KCNIP4: variants seen among roughly 807,000 people sequenced by gnomAD.
KCNIP4 encodes Kv channel-interacting protein 4.
KCNIP4 carries 12 observed loss-of-function variants against 34.0 expected under a neutral mutation model. That is an observed-to-expected ratio of 0.35 (90% confidence interval 0.23 to 0.57). The LOEUF is 0.57. Among genes scored for constraint, KCNIP4 ranks in the 20% least tolerant of loss-of-function variants. KCNIP4 has a pLI of 0.83. For synonymous variants in KCNIP4, 124 were observed against 102.2 expected, an observed-to-expected ratio of 1.21 and a Z score of -1.29; for missense variants, 238 against 311.7, an observed-to-expected ratio of 0.76 and a Z score of 1.78.
At chr4:21,247,743 T>TATATATATATATATATATAC (rs1406881983) in intron 1 of KCNIP4, among the ~76,000 whole-genome samples, 12 of 120,456 alleles carry the variant, frequency 1.0e-4, no homozygotes, top group Admixed American at 4.2e-4. Flanking sequence ...TGGATATATA[T>TATATATATATATATATATAC]ATATATATAT....
intron 1 of KCNIP4, among the ~76,000 whole-genome samples, chr4:21,775,356 A>T (rs1719104279): frequency 6.6e-6 from 1 of 152,012 alleles, no homozygotes; most frequent in Non-Finnish European, 1.5e-5. Context: ...GGGACCTCTG[A>T]CCTCGAGGGC....
rs1194506915 is a variant in KCNIP4, at chr4:21,397,751, G to T, written c.62-515042C>A. Among the ~76,000 whole-genome samples the T allele has an allele frequency of 3.3e-5, 5 of 152,264 alleles. No homozygotes were observed. In the East Asian group the frequency reaches 7.7e-4, roughly 24 times the overall value. ...TGGCAATAGACCATTGATCACTCTT[G>T]CTATGAAAGAATGGGGACTATAAGT... On this transcript the variant is annotated intron_variant, in intron 1 of 8. Transcript: ENST00000382152.
At chr4:21,455,834 T>TAACTAATTTTTTACAGAATGA (rs1728907885) in intron 1 of KCNIP4, among the ~76,000 whole-genome samples, 1 of 114,682 alleles carries the variant, frequency 8.7e-6, no homozygotes, top group African/African-American at 4.4e-5. Flanking sequence ...TATATATATA[T>TAACTAATTTTTTACAGAATGA]ATATATATAT....
In KCNIP4 at chr4:21,922,008, ATC is replaced by A. The variant is rs1426394167; in HGVS notation, c.61+26561_61+26562del. Among the ~76,000 whole-genome samples the A allele has an allele frequency of 2.0e-5, 3 of 152,120 alleles. No individual in the cohort carries two copies. In the East Asian group the frequency reaches 5.8e-4, roughly 29 times the overall value. ...CACCTACCTCACTGACTCATCTCACATCTCTCTGCCTCACTCCCTATGTGATA... is the reference window on the plus strand; with the variant it reads ...CACCTACCTCACTGACTCATCTCACATCTCTGCCTCACTCCCTATGTGATA... On this transcript the variant is annotated intron_variant, in intron 1 of 8. Transcript: ENST00000382152.
chr4:21,456,919 A>G (rs539308912), intron 1 of KCNIP4, among the ~76,000 whole-genome samples: 13 of 152,106 alleles, frequency 8.5e-5, no homozygotes, highest in Middle Eastern at 3.4e-3. Flanking sequence ...TTCGTATTTC[A>G]CCGCCGGGTC....
intron 1 of KCNIP4, among the ~76,000 whole-genome samples, chr4:21,903,805 A>G (rs1051083344): frequency 6.6e-6 from 1 of 152,138 alleles, no homozygotes; most frequent in African/African-American, 2.4e-5. Flanking sequence ...TATAAATCCC[A>G]TATCACCCTA....
At chr4:21,148,913 G>A (rs1752575531) in intron 1 of KCNIP4, among the ~76,000 whole-genome samples, 2 of 152,178 alleles carry the variant, frequency 1.3e-5, no homozygotes, top group Non-Finnish European at 2.9e-5. Flanking sequence ...TTTAGGTACA[G>A]TAAAAGAAAA....
At chr4:21,419,095 C>T (rs149827648) in intron 1 of KCNIP4, among the ~76,000 whole-genome samples, 2 of 152,168 alleles carry the variant, frequency 1.3e-5, no homozygotes, top group Admixed American at 6.6e-5. Flanking sequence ...GAATACGAAT[C>T]AAGGTTGATG....
chr4:20,777,019 C>T (rs1756432190), intron 3 of KCNIP4, among the ~76,000 whole-genome samples: 1 of 152,108 alleles, frequency 6.6e-6, no homozygotes, highest in African/African-American at 2.4e-5. Context: ...ACCTAATCTC[C>T]ATTATGATCA....
chr4:20,940,768 T>A (rs773382979), intron 1 of KCNIP4, among the ~76,000 whole-genome samples: 15 of 152,204 alleles, frequency 9.9e-5, no homozygotes, highest in Non-Finnish European at 2.1e-4. Context: ...ACTTCTTGTA[T>A]CAGTCTTTGA....
chr4:21,243,469 G>C (rs188546076), intron 1 of KCNIP4, among the ~76,000 whole-genome samples: 2 of 152,304 alleles, frequency 1.3e-5, no homozygotes, highest in Non-Finnish European at 2.9e-5. Context: ...AATACAGATT[G>C]GCTTCCTTAT....
intron 1 of KCNIP4, among the ~76,000 whole-genome samples, chr4:20,944,018 C>T (rs1353150787): frequency 1.3e-5 from 2 of 152,140 alleles, no homozygotes; most frequent in African/African-American, 4.8e-5. Flanking sequence ...GAGGCCTTGA[C>T]CAGTTGCTCT....
intron 1 of KCNIP4, among the ~76,000 whole-genome samples, chr4:20,933,928 CTCAA>C (rs1374989360): frequency 1.3e-5 from 2 of 152,144 alleles, no homozygotes; most frequent in Non-Finnish European, 2.9e-5. Context: ...ATTGGCTCTT[CTCAA>C]TCAATGTGAT....
At chr4:21,220,670 C>A (rs1392257778) in intron 1 of KCNIP4, among the ~76,000 whole-genome samples, 1 of 151,990 alleles carries the variant, frequency 6.6e-6, no homozygotes, top group African/African-American at 2.4e-5. Context: ...GCCTAGAATT[C>A]CCAGAGGTTC....
chr4:20,936,966 T>C (rs1731132450), intron 1 of KCNIP4, among the ~76,000 whole-genome samples: 2 of 151,992 alleles, frequency 1.3e-5, no homozygotes, highest in Admixed American at 1.3e-4. Flanking sequence ...GGTAGATCAG[T>C]GTGCTGATCT....
Position 21,333,003 on chromosome 4 carries a change from A to G in KCNIP4, c.62-450294T>C, listed in dbSNP as rs762279431. Among the ~76,000 whole-genome samples, 29 of 152,150 alleles carry G rather than the reference A, an allele frequency of 1.9e-4. 1 individual carries two copies. Among genetic ancestry groups the G allele is most frequent in the South Asian group, 1.9e-3 (9 of 4,824 alleles). ...CTTTACCAGCTCGGAGCCTTTGCAC[A>G]AGCTGTTCTTTCTTCCTGAAATGCT... is the stretch of plus-strand genomic sequence containing the variant. On this transcript the variant is annotated intron_variant, in intron 1 of 8. Coordinates refer to ENST00000382152, the MANE Select transcript of KCNIP4 (RefSeq NM_025221.6).
At chr4:21,207,488 C>G (rs1009178480) in intron 1 of KCNIP4, among the ~76,000 whole-genome samples, 1 of 152,134 alleles carries the variant, frequency 6.6e-6, no homozygotes, top group Non-Finnish European at 1.5e-5. Context: ...GAAACACACA[C>G]TTATGTACAT....
chr4:21,420,251 C>A (rs993137345), intron 1 of KCNIP4, among the ~76,000 whole-genome samples: 3 of 152,096 alleles, frequency 2.0e-5, no homozygotes, highest in Non-Finnish European at 4.4e-5. Context: ...ATTAAAATGG[C>A]GAAATAATGT....
chr4:20,877,450 T>A (rs933644993), intron 2 of KCNIP4, among the ~76,000 whole-genome samples: 1 of 152,182 alleles, frequency 6.6e-6, no homozygotes, highest in African/African-American at 2.4e-5. Flanking sequence ...TCATAGAATT[T>A]CAGTGTTGGA....
Sources: allele counts gnomAD v4.1 joint callset (sites outside exome capture counted in the v4.1 genomes callset), GRCh38; gene constraint gnomAD v4.1.1; transcripts MANE v1.5; gene names NCBI Gene and HGNC (gene_info 2026-07-23, HGNC 2026-07-21).